AVL9: variants seen among roughly 807,000 people sequenced by gnomAD.
AVL9 encodes the protein late secretory pathway protein AVL9 homolog.
In AVL9, 49 loss-of-function variants were observed where a neutral mutation model predicts 79.2. The observed-to-expected ratio is 0.62, with a 90% CI of 0.49 to 0.79. The LOEUF (loss-of-function observed/expected upper bound fraction) is 0.79. Among genes scored for constraint, AVL9 ranks in the 30% least tolerant of loss-of-function variants. The pLI is 0.00. For missense variants in AVL9, 682 were observed against 776.8 expected (o/e 0.88, Z 1.45); for synonymous variants, 299 against 280.6 (o/e 1.07, Z -0.65).
At chr7:32,515,726 C>G (rs953812314) in intron 1 of AVL9, among the ~76,000 whole-genome samples, 13 of 152,260 alleles carry the variant, frequency 8.5e-5, no homozygotes, top group African/African-American at 3.1e-4. Context: ...ACTGTTATAG[C>G]GCTCAGTAAT....
At chr7:32,513,078 T>G (rs2128119119) in intron 1 of AVL9, among the ~76,000 whole-genome samples, 1 of 152,290 alleles carries the variant, frequency 6.6e-6, no homozygotes, top group East Asian at 1.9e-4. Context: ...CTAATAAAAG[T>G]ACTGCCTTAA....
intron 10 of AVL9, among the ~76,000 whole-genome samples, chr7:32,568,959 C>T (rs994903373): frequency 1.3e-4 from 20 of 152,234 alleles, no homozygotes; most frequent in African/African-American, 4.6e-4. Flanking sequence ...AACCAAATTA[C>T]CAGACATATA....
chr7:32,500,466 G>A (rs1452197542), intron 1 of AVL9, among the ~76,000 whole-genome samples: 1 of 151,990 alleles, frequency 6.6e-6, no homozygotes, highest in Non-Finnish European at 1.5e-5. Context: ...TAAGTTCCTT[G>A]TAGAGTCTGG....
At chr7:32,539,799 C>A in intron 1 of AVL9, among the ~76,000 whole-genome samples, 1 of 152,142 alleles carries the variant, frequency 6.6e-6, no homozygotes, top group East Asian at 1.9e-4. Context: ...CCAGGAGAGA[C>A]TCGATTTTCT....
intron 1 of AVL9, among the ~76,000 whole-genome samples, chr7:32,501,740 T>C (rs1787136808): frequency 6.6e-6 from 1 of 152,218 alleles, no homozygotes; most frequent in Admixed American, 6.5e-5. Flanking sequence ...GGCTTAAGCC[T>C]TTGATCCCTA....
chr7:32,559,985 C>G (rs1188943456), intron 10 of AVL9: 2 of 151,826 alleles, frequency 1.3e-5, no homozygotes, highest in Non-Finnish European at 2.9e-5. Flanking sequence ...TACTTTAGGC[C>G]GGGCACAGTA....
chr7:32,578,527 G>A (rs370857864), intron 13 of AVL9, among the ~76,000 whole-genome samples: 92 of 152,288 alleles, frequency 6.0e-4, no homozygotes, highest in African/African-American at 2.1e-3. Context: ...AACAAATGTG[G>A]CCAGGCCTGG....
At chr7:32,524,524 A>G (rs1434199737) in intron 1 of AVL9, among the ~76,000 whole-genome samples, 1 of 49,024 alleles carries the variant, frequency 2.0e-5, no homozygotes, top group Non-Finnish European at 3.9e-5. Flanking sequence ...TGTGGGAGGG[A>G]GAAATACACA....
At chr7:32,568,211 T>A (rs1790669702) in intron 10 of AVL9, among the ~76,000 whole-genome samples, 2 of 151,370 alleles carry the variant, frequency 1.3e-5, no homozygotes, top group Non-Finnish European at 2.9e-5. Context: ...ATTTATTTTT[T>A]TTTTTTTGAG....
intron 1 of AVL9, chr7:32,533,814 A>G (rs946028700): frequency 6.6e-6 from 1 of 152,138 alleles, no homozygotes; most frequent in African/African-American, 2.4e-5. Flanking sequence ...CGTAGGGTCC[A>G]TGGATGTGGT....
chr7:32,503,556 A>T (rs1401171033), intron 1 of AVL9, among the ~76,000 whole-genome samples: 1 of 67,690 alleles, frequency 1.5e-5, no homozygotes, highest in Non-Finnish European at 3.0e-5. Flanking sequence ...ACTCCGTCTC[A>T]AGGGAAAAAA....
rs1465548867 is a variant in AVL9 at position 32,588,085 on chromosome 7, T to C, written c.*4178T>C. ...TTTACTTATATGAAAGATAACTATA[T>C]ATTTAAATCATGTAAGTGGAACACA... On this transcript the variant is annotated 3_prime_UTR_variant, in exon 16 of 16. Transcript: ENST00000318709. The C allele has an allele frequency of 6.6e-6, 1 of 152,242 alleles. No individual in the cohort carries two copies. The highest frequency in any genetic ancestry group is 2.4e-5 in the African/African-American group (1 of 41,466). 9.4% of individuals were successfully genotyped at this position (152,242 alleles called of 1,614,324 possible). A position where few individuals can be genotyped will look rare whatever the true frequency, so the allele number is the denominator to read the frequency against.
Position 32,575,981 on chromosome 7 carries a change from G to C in AVL9, c.1597G>C (p.Gly533Arg). ...LDNEKILSDY[G>R]TTFVTAWKNT... ...CAATGAAAAGATATTATCGGACTAT[G>C]GGACAACTTTTGTTACAGCATGGAA... Residue 533 changes from glycine to arginine, a missense_variant, in exon 13 of 16, where the codon GGG (glycine) becomes CGG (arginine). Transcript: ENST00000318709. 6.2e-7 allele frequency: 1 copy of C among 1,613,326 alleles called. No homozygotes were observed. The highest frequency in any genetic ancestry group is 8.5e-7 in the Non-Finnish European group (1 of 1,179,336).
At chr7:32,555,295 A>G (rs1164544473) in intron 8 of AVL9, among the ~76,000 whole-genome samples, 3 of 152,204 alleles carry the variant, frequency 2.0e-5, no homozygotes, top group South Asian at 2.1e-4. Context: ...GTGAGCTGAG[A>G]TCGTGCCACT....
intron 1 of AVL9, chr7:32,533,822 G>A (rs1238364756): frequency 1.3e-5 from 2 of 152,152 alleles, no homozygotes; most frequent in Non-Finnish European, 2.9e-5. Context: ...CCATGGATGT[G>A]GTTAATGTGT....
chr7:32,534,360 T>C (rs2128130165), intron 1 of AVL9: 1 of 148,960 alleles, frequency 6.7e-6, no homozygotes, highest in East Asian at 2.0e-4. Flanking sequence ...TTTTTATGCA[T>C]TGCATGTATT....
At chr7:32,524,417 A>T (rs908050252) in intron 1 of AVL9, among the ~76,000 whole-genome samples, 1 of 152,058 alleles carries the variant, frequency 6.6e-6, no homozygotes, top group Non-Finnish European at 1.5e-5. Flanking sequence ...CGGGAGGCTG[A>T]GACTGGAGAA....
chr7:32,575,896 C>T, intron 12 of AVL9, 59 bp from the exon 13 acceptor site: 1 of 1,234,328 alleles, frequency 8.1e-7, no homozygotes, highest in Non-Finnish European at 1.2e-6. Context: ...TGGTTATAAT[C>T]TTCACATCCC....
intron 10 of AVL9, among the ~76,000 whole-genome samples, chr7:32,560,931 A>G (rs899346942): frequency 1.3e-5 from 2 of 152,238 alleles, no homozygotes; most frequent in East Asian, 1.9e-4. Context: ...TGCATTGTCA[A>G]TGAGCAGTAA....
Sources: gnomAD v4.1 joint callset for allele counts (sites outside exome capture counted in the v4.1 genomes callset) on GRCh38, gnomAD v4.1.1 for gene constraint, MANE v1.5 for transcripts, NCBI Gene and HGNC (gene_info 2026-07-23, HGNC 2026-07-21) for gene names.